TRHDE: variants seen among roughly 807,000 people sequenced by gnomAD.
The protein encoded by TRHDE is thyrotropin releasing hormone degrading enzyme, also known as thyrotropin-releasing hormone-degrading ectoenzyme.
In TRHDE, 72 loss-of-function variants were observed where a neutral mutation model predicts 125.7. That is an observed-to-expected ratio of 0.57 (90% confidence interval 0.47 to 0.70). The LOEUF (loss-of-function observed/expected upper bound fraction) is 0.70. Ranked by LOEUF, TRHDE falls within the 30% of genes least tolerant of loss-of-function variation. The pLI is 0.00. For missense variants in TRHDE, 1,110 were observed against 1,327.1 expected, an observed-to-expected ratio of 0.84 and a Z score of 2.54; for synonymous variants, 509 against 509.1, an observed-to-expected ratio of 1.00 and a Z score of 0.00.
chr12:72,206,765 T>A (rs1048044365), intron 2 of TRHDE, among the ~76,000 whole-genome samples: 4 of 152,064 alleles, frequency 2.6e-5, no homozygotes, highest in African/African-American at 9.7e-5. Flanking sequence ...ATAATTATAT[T>A]GCTTTGTGTG....
chr12:72,215,914 C>T (rs1877880777), intron 2 of TRHDE, among the ~76,000 whole-genome samples: 1 of 151,984 alleles, frequency 6.6e-6, no homozygotes, highest in African/African-American at 2.4e-5. Context: ...GCACTTTCGC[C>T]AAAAGGAAAA....
intron 2 of TRHDE, among the ~76,000 whole-genome samples, chr12:72,347,164 T>C (rs1742541373): frequency 6.6e-6 from 1 of 152,092 alleles, no homozygotes; most frequent in South Asian, 2.1e-4. Context: ...TTCTGGGGAC[T>C]AGGACTTCAA....
chr12:72,309,999 T>G (rs183744457), intron 2 of TRHDE, among the ~76,000 whole-genome samples: 13 of 152,342 alleles, frequency 8.5e-5, no homozygotes, highest in Admixed American at 7.8e-4. Context: ...TTAATGCAAT[T>G]TGTTTCCATT....
chr12:72,280,589 T>C (rs756905122), intron 1 of TRHDE, among the ~76,000 whole-genome samples: 4 of 152,150 alleles, frequency 2.6e-5, no homozygotes, highest in Non-Finnish European at 5.9e-5. Context: ...GTTGTGGTAT[T>C]TCAGCCAGAG....
chr12:72,596,500 C>A (rs1172395973), intron 12 of TRHDE, among the ~76,000 whole-genome samples: 2 of 152,128 alleles, frequency 1.3e-5, no homozygotes, highest in Non-Finnish European at 2.9e-5. Flanking sequence ...AATTATCTAA[C>A]ACAGCATTTT....
intron 1 of TRHDE, among the ~76,000 whole-genome samples, chr12:72,282,534 C>T (rs1413021474): frequency 6.6e-6 from 1 of 152,082 alleles, no homozygotes; most frequent in South Asian, 2.1e-4. Flanking sequence ...GGGCACTGAC[C>T]GGAAACTGGC....
intron 2 of TRHDE, among the ~76,000 whole-genome samples, chr12:72,175,582 A>G (rs781400048): frequency 2.0e-5 from 3 of 152,198 alleles, no homozygotes; most frequent in Non-Finnish European, 2.9e-5. Context: ...TCCCACATCC[A>G]AAGTGTTACA....
intron 5 of TRHDE, among the ~76,000 whole-genome samples, chr12:72,480,567 T>G (rs1877122075): frequency 6.6e-6 from 1 of 152,154 alleles, no homozygotes; most frequent in African/African-American, 2.4e-5. Context: ...TGTGTTGGGA[T>G]TTGCATAGTG....
At chr12:72,410,467 TC>T (rs1334228174) in intron 3 of TRHDE, among the ~76,000 whole-genome samples, 1 of 152,124 alleles carries the variant, frequency 6.6e-6, no homozygotes, top group East Asian at 1.9e-4. Flanking sequence ...TAGGTCTTTC[TC>T]ATTTATGAAC....
intron 3 of TRHDE, among the ~76,000 whole-genome samples, chr12:72,422,922 A>G (rs980037637): frequency 5.3e-5 from 8 of 152,060 alleles, no homozygotes; most frequent in Non-Finnish European, 1.0e-4. Flanking sequence ...GACCTTGATC[A>G]TGGACTCCCC....
chr12:72,216,763 G>T (rs1877901021), intron 2 of TRHDE, among the ~76,000 whole-genome samples: 1 of 152,036 alleles, frequency 6.6e-6, no homozygotes, highest in Non-Finnish European at 1.5e-5. Flanking sequence ...TACCAGTCTA[G>T]TCATCTAATG....
intron 2 of TRHDE, among the ~76,000 whole-genome samples, chr12:72,316,767 A>C (rs1044101280): frequency 6.6e-6 from 1 of 152,190 alleles, no homozygotes; most frequent in Non-Finnish European, 1.5e-5. Context: ...AAAAAATAAG[A>C]GTGCATTGGA....
chr12:72,599,481 G>T (rs1872118788), intron 12 of TRHDE, among the ~76,000 whole-genome samples: 1 of 151,928 alleles, frequency 6.6e-6, no homozygotes, highest in Non-Finnish European at 1.5e-5. Context: ...AGTGATGTGG[G>T]TCATTTTTCA....
At chr12:72,554,099 C>T (rs1021523346) in intron 7 of TRHDE, among the ~76,000 whole-genome samples, 8 of 152,102 alleles carry the variant, frequency 5.3e-5, no homozygotes, top group Admixed American at 1.3e-4. Context: ...TCATGCGCTT[C>T]GGCCTCCCAA....
intron 2 of TRHDE, among the ~76,000 whole-genome samples, chr12:72,218,180 A>G (rs1164797803): frequency 1.3e-5 from 2 of 152,162 alleles, no homozygotes; most frequent in Non-Finnish European, 2.9e-5. Flanking sequence ...CCATATGATC[A>G]CAATTTTGTA....
intron 7 of TRHDE, among the ~76,000 whole-genome samples, chr12:72,551,404 A>C (rs2135997840): frequency 6.6e-6 from 1 of 152,220 alleles, no homozygotes; most frequent in East Asian, 1.9e-4. Flanking sequence ...TCTTCTGCTC[A>C]AGGTTTCTCC....
At chr12:72,473,583 C>T (rs1048479866) in intron 5 of TRHDE, among the ~76,000 whole-genome samples, 24 of 151,744 alleles carry the variant, frequency 1.6e-4, no homozygotes, top group Admixed American at 1.0e-3. Flanking sequence ...CTAAAAGATA[C>T]GATGTATTAT....
At chr12:72,434,132 C>G (rs1420990562) in intron 3 of TRHDE, among the ~76,000 whole-genome samples, 1 of 152,108 alleles carries the variant, frequency 6.6e-6, no homozygotes, top group African/African-American at 2.4e-5. Context: ...CGCCTATAGT[C>G]TCAGCACTTT....
chr12:72,454,860 C>G (rs1592457436), intron 3 of TRHDE, among the ~76,000 whole-genome samples: 2 of 152,140 alleles, frequency 1.3e-5, no homozygotes, highest in Admixed American at 1.3e-4. Context: ...ATAGTTTTCT[C>G]CCTAAACACA....
Sources: allele counts gnomAD v4.1 joint callset (sites outside exome capture counted in the v4.1 genomes callset), GRCh38; gene constraint gnomAD v4.1.1; transcripts MANE v1.5; gene names NCBI Gene and HGNC (gene_info 2026-07-23, HGNC 2026-07-21).